Variants in BAZ2B observed in about 807,000 individuals in gnomAD.
The protein encoded by BAZ2B is bromodomain adjacent to zinc finger domain protein 2B.
A neutral mutation model predicts 246.0 loss-of-function variants in BAZ2B; 91 were observed. That is an observed-to-expected ratio of 0.37 (90% CI 0.31 to 0.44). The LOEUF (loss-of-function observed/expected upper bound fraction) is 0.44, where lower values mean the gene tolerates loss of function less well. Among genes scored for constraint, BAZ2B ranks in the 20% least tolerant of loss-of-function variants. The probability of loss-of-function intolerance (pLI) is 1.00; values close to 1 mark genes in which losing one functional copy is unlikely to be tolerated. For synonymous variants in BAZ2B, 855 were observed against 860.0 expected (o/e 0.99, Z 0.10); for missense variants, 2,332 against 2,533.7 (o/e 0.92, Z 1.71).
intron 1 of BAZ2B, among the ~76,000 whole-genome samples, chr2:159,594,632 AG>A (rs998439352): frequency 1.0e-4 from 8 of 79,806 alleles, no homozygotes; most frequent in African/African-American, 4.2e-4. Flanking sequence ...TTATTTTGAC[AG>A]TTTTTTTTTT....
the BAZ2B span, among the ~76,000 whole-genome samples, chr2:159,657,713 G>C: frequency 0.025 from 3,733 of 152,276 alleles, 80 homozygotes; most frequent in Non-Finnish European, 0.038. Context: ...TCTAGGGTTT[G>C]GTGGTAATGT....
chr2:159,640,120 C>T, the BAZ2B span, among the ~76,000 whole-genome samples: 10,080 of 152,150 alleles, frequency 0.066, 430 homozygotes, highest in Middle Eastern at 0.17. Flanking sequence ...AAGTTCATTA[C>T]ATAATCAGAA....
Position 159,433,010 on chromosome 2 carries a change from T to C in BAZ2B, c.1647A>G (p.Thr549=). 6.2e-7 allele frequency: 1 copy of C among 1,614,206 alleles called. No homozygotes were observed. The highest frequency in any genetic ancestry group is 8.5e-7 in the Non-Finnish European group (1 of 1,180,034). The part of the protein sequence containing the change: ...TSGRRTPGNQ[T]PVMPSASPIL... ...TGGGAGAGGCAGAGGGCATTACAGGTGTCTGATTGCCAGGGGTTCTTCTCC... is the reference window on the plus strand; with the variant it reads ...TGGGAGAGGCAGAGGGCATTACAGGCGTCTGATTGCCAGGGGTTCTTCTCC... Residue 549 remains threonine, a synonymous_variant, in exon 9 of 37, where the codon ACA becomes ACG. Coordinates refer to ENST00000392783, the MANE Select transcript of BAZ2B (RefSeq NM_013450.4).
chr2:159,456,272 T>C (rs897915181), intron 3 of BAZ2B, among the ~76,000 whole-genome samples: 1 of 151,964 alleles, frequency 6.6e-6, no homozygotes, highest in Non-Finnish European at 1.5e-5. Flanking sequence ...TAATAATTGG[T>C]AGTAAGTAAT....
the BAZ2B span, among the ~76,000 whole-genome samples, chr2:159,665,081 TG>T: frequency 4.4e-5 from 6 of 135,406 alleles, no homozygotes; most frequent in Non-Finnish European, 9.4e-5. Context: ...AGCCAAATCA[TG>T]GGTGAACTCC....
rs890718124 is a variant in BAZ2B at position 159,326,765 on chromosome 2, A to T, written c.5944-847T>A. Among the ~76,000 whole-genome samples the T allele has an allele frequency of 3.9e-5, 6 of 152,204 alleles. No homozygotes were observed. In the East Asian group the frequency reaches 9.6e-4, roughly 24 times the overall value. On this transcript the variant is annotated intron_variant, in intron 34 of 36. Transcript: ENST00000392783. The stretch of plus-strand genomic sequence containing the variant: ...TCTCAACATGGTCTTATGCAATATA[A>T]CTACAAATTGCAGGCAGCACACTGA...
At chr2:159,441,714 T>C (rs1229707641) in intron 6 of BAZ2B, among the ~76,000 whole-genome samples, 1 of 152,178 alleles carries the variant, frequency 6.6e-6, no homozygotes, top group Non-Finnish European at 1.5e-5. Context: ...CAATGGTGCT[T>C]TCATAGCTCA....
intron 2 of BAZ2B, among the ~76,000 whole-genome samples, chr2:159,508,181 A>T (rs1457585844): frequency 1.3e-5 from 2 of 152,100 alleles, no homozygotes; most frequent in Non-Finnish European, 2.9e-5. Context: ...TATCTATCTG[A>T]TTTCAAATAT....
chr2:159,500,355 C>G (rs1475397800), intron 2 of BAZ2B, among the ~76,000 whole-genome samples: 1 of 152,068 alleles, frequency 6.6e-6, no homozygotes, highest in Admixed American at 6.6e-5. Context: ...TCTGAGTTCT[C>G]TATTCTGTTC....
intron 2 of BAZ2B, among the ~76,000 whole-genome samples, chr2:159,540,887 T>C (rs1219674438): frequency 6.6e-6 from 1 of 152,186 alleles, no homozygotes; most frequent in Admixed American, 6.5e-5. Context: ...GGTTCACCTG[T>C]TTACTGAGAA....
intron 14 of BAZ2B, among the ~76,000 whole-genome samples, chr2:159,411,589 T>C (rs2066853016): frequency 5.9e-5 from 9 of 152,200 alleles, no homozygotes; most frequent in Admixed American, 5.2e-4. Flanking sequence ...TATCTACACA[T>C]ATGTTGATAT....
intron 1 of BAZ2B, among the ~76,000 whole-genome samples, chr2:159,571,490 G>A (rs933043836): frequency 1.3e-5 from 2 of 152,088 alleles, no homozygotes; most frequent in Admixed American, 1.3e-4. Flanking sequence ...GGGGTGGGGA[G>A]AGCTAGACAG....
chr2:159,518,748 A>T (rs1210209597), intron 2 of BAZ2B, among the ~76,000 whole-genome samples: 1 of 152,208 alleles, frequency 6.6e-6, no homozygotes, highest in East Asian at 1.9e-4. Flanking sequence ...GAAAGATGAA[A>T]ACACAAGGTA....
chr2:159,538,135 T>C (rs1183196969), intron 2 of BAZ2B, among the ~76,000 whole-genome samples: 5 of 152,182 alleles, frequency 3.3e-5, no homozygotes, highest in African/African-American at 1.2e-4. Context: ...TTGCTGAGAC[T>C]ACAGGTACGC....
At chr2:159,464,311 A>G (rs190258901) in intron 3 of BAZ2B, 1 of 152,254 alleles carries the variant, frequency 6.6e-6, no homozygotes, top group Non-Finnish European at 1.5e-5. Flanking sequence ...TTATTTCCTC[A>G]GTCTTGTTTG....
chr2:159,486,195 T>C (rs535651833), intron 2 of BAZ2B, among the ~76,000 whole-genome samples: 60 of 152,132 alleles, frequency 3.9e-4, no homozygotes, highest in Non-Finnish European at 6.0e-4. Context: ...AAGAGAGATA[T>C]GGTGTATGGT....
At chr2:159,454,520 G>C (rs774235310) in intron 3 of BAZ2B, among the ~76,000 whole-genome samples, 2 of 152,098 alleles carry the variant, frequency 1.3e-5, no homozygotes, top group Admixed American at 1.3e-4. Flanking sequence ...TAACACAGTG[G>C]TAAATATTTG....
chr2:159,685,992 T>G, the BAZ2B span, among the ~76,000 whole-genome samples: 1 of 152,220 alleles, frequency 6.6e-6, no homozygotes. Flanking sequence ...CTGGCCCTGG[T>G]GGCCCCCACC....
At chr2:159,505,733 G>T (rs2082263715) in intron 2 of BAZ2B, among the ~76,000 whole-genome samples, 1 of 152,128 alleles carries the variant, frequency 6.6e-6, no homozygotes, top group Non-Finnish European at 1.5e-5. Flanking sequence ...AAGGCGGCAA[G>T]AATATAGAAT....
Sources: gnomAD v4.1 joint callset for allele counts (sites outside exome capture counted in the v4.1 genomes callset) on GRCh38, gnomAD v4.1.1 for gene constraint, MANE v1.5 for transcripts, NCBI Gene and HGNC (gene_info 2026-07-23, HGNC 2026-07-21) for gene names.